The following CBLB variants were observed in gnomAD, a reference collection of about 807,000 sequenced individuals.
CBLB encodes the protein E3 ubiquitin-protein ligase CBL-B.
In CBLB, 31 loss-of-function variants were observed where a neutral mutation model predicts 104.9. That is an observed-to-expected ratio of 0.30 (90% CI 0.22 to 0.40). The LOEUF is 0.40. Ranked by LOEUF, CBLB falls within the 10% of genes least tolerant of loss-of-function variation. The pLI is 1.00. For missense variants in CBLB, 1,062 were observed against 1,214.6 expected (o/e 0.87, Z 1.87); for synonymous variants, 440 against 422.6 (o/e 1.04, Z -0.51).
At chr3:105,736,382 C>T (rs9859644) in intron 8 of CBLB, among the ~76,000 whole-genome samples, 150,163 of 152,246 alleles carry the variant, frequency 0.99, 74,092 homozygotes, top group East Asian at 1. Context: ...GTACATAATG[C>T]AACTTGACCA....
Position 105,657,052 on chromosome 3 carries a change from A to G in CBLB, c.*1918T>C, listed in dbSNP as rs2063396837. On this transcript the variant is annotated 3_prime_UTR_variant, in exon 19 of 19. Coordinates refer to ENST00000394030, the MANE Select transcript of CBLB (RefSeq NM_170662.5). ...AAAATTCCCCTCCAGGGACATAACC[A>G]GCTCAGAACCATCTGAAAAAATTCA... is the stretch of plus-strand genomic sequence containing the variant. 1 of 226,830 alleles carries G rather than the reference A, an allele frequency of 4.4e-6. No homozygotes were observed. The highest frequency in any genetic ancestry group is 2.2e-5 in the African/African-American group (1 of 45,010). The allele number at this position is 226,830 out of a possible 1,614,324, so 14.1% of individuals were successfully genotyped here. A position where few individuals can be genotyped will look rare whatever the true frequency, so the allele number is the denominator to read the frequency against.
chr3:105,763,006 G>T (rs1006935058), intron 4 of CBLB, among the ~76,000 whole-genome samples: 1 of 152,214 alleles, frequency 6.6e-6, no homozygotes, highest in East Asian at 1.9e-4. Flanking sequence ...TGCCCTGGAC[G>T]TGAGACACGG....
At chr3:105,669,578 C>T (rs186179331) in intron 18 of CBLB, among the ~76,000 whole-genome samples, 13 of 152,174 alleles carry the variant, frequency 8.5e-5, no homozygotes, top group South Asian at 2.1e-4. Flanking sequence ...CTTTAGCAGA[C>T]GAGACAGATA....
rs2152787626 is a variant in CBLB, at chr3:105,704,006, G to A, written c.1575C>T (p.Ser525=). The A allele has an allele frequency of 1.2e-6, 2 of 1,614,030 alleles. No individual in the cohort carries two copies. Among genetic ancestry groups the A allele is most frequent in the Non-Finnish European group, 8.5e-7 (1 of 1,179,926 alleles). Residue 525 remains serine (S), a synonymous_variant, in exon 11 of 19, where the codon AGC becomes AGT. Coordinates refer to ENST00000394030, the MANE Select transcript of CBLB (RefSeq NM_170662.5). ...QKGIVRSPCG[S]PTGSPKSSPC... ...GATCTACCTTTGGTGAACCCGTTGG[G>A]CTGCCACAGGGAGATCTAACTATGC...
chr3:105,722,008 C>T (rs868243632), intron 9 of CBLB, among the ~76,000 whole-genome samples: 4 of 151,696 alleles, frequency 2.6e-5, no homozygotes, highest in African/African-American at 7.3e-5. Flanking sequence ...GCCTGGGCAA[C>T]ATAGCAAGAC....
intron 18 of CBLB, among the ~76,000 whole-genome samples, chr3:105,668,827 A>G (rs2064757454): frequency 6.6e-6 from 1 of 152,168 alleles, no homozygotes; most frequent in Admixed American, 6.6e-5. Context: ...ACAATTCTTA[A>G]AACAGCTCAT....
chr3:105,669,291 C>G (rs1292058173), intron 18 of CBLB, among the ~76,000 whole-genome samples: 3 of 152,174 alleles, frequency 2.0e-5, no homozygotes, highest in African/African-American at 7.2e-5. Context: ...GGGAAGCCCT[C>G]ATGAAAGGGA....
chr3:105,659,190 G>A lies in CBLB; in HGVS notation c.2729C>T (p.Pro910Leu), dbSNP rs115812092. 61 of 1,613,928 alleles carry A rather than the reference G, an allele frequency of 3.8e-5. No individual in the cohort carries two copies. The highest frequency in any genetic ancestry group is 2.9e-4 in the South Asian group (26 of 91,070). The stretch of plus-strand genomic sequence containing the variant: ...GTGAATTTCTGGTGCAGTCCTGCGC[G>A]GTCGTGGTTTAGGGGGTCTGGCTGG... ...QAPARPPKPRPRRTAPEIHHR... is the reference protein window; with the variant it reads ...QAPARPPKPRLRRTAPEIHHR... Residue 910 changes from proline (P) to leucine (L), a missense_variant, in exon 19 of 19, where the codon CCG becomes CTG. Physicochemically the swap from Pro to Leu is moderately conservative, Grantham distance 98. Coordinates refer to ENST00000394030, the MANE Select transcript of CBLB (RefSeq NM_170662.5).
At chr3:105,859,742 G>GTA (rs1184512775) in intron 2 of CBLB, among the ~76,000 whole-genome samples, 12 of 150,882 alleles carry the variant, frequency 8.0e-5, no homozygotes, top group South Asian at 4.2e-4. Flanking sequence ...GTGACCTAAA[G>GTA]TATATATATA....
intron 4 of CBLB, among the ~76,000 whole-genome samples, chr3:105,762,935 C>T (rs1351727480): frequency 6.6e-6 from 1 of 152,238 alleles, no homozygotes; most frequent in African/African-American, 2.4e-5. Flanking sequence ...GGAAACTGTA[C>T]CCTGCGAAGC....
chr3:105,748,525 G>T (rs942323256), intron 5 of CBLB, among the ~76,000 whole-genome samples: 1 of 152,116 alleles, frequency 6.6e-6, no homozygotes, highest in Non-Finnish European at 1.5e-5. Context: ...GAGGAAAAGG[G>T]GAACAACAGC....
At chr3:105,816,148 C>T (rs2085023010) in intron 3 of CBLB, among the ~76,000 whole-genome samples, 1 of 151,868 alleles carries the variant, frequency 6.6e-6, no homozygotes. Flanking sequence ...CACATGCATA[C>T]CTATGTAACA....
rs2092496567 is a variant in CBLB at position 105,867,571 on chromosome 3, T to C, written c.7A>G (p.Asn3Asp). 6.2e-7 allele frequency: 1 copy of C among 1,614,040 alleles called. No homozygotes were observed. The highest frequency in any genetic ancestry group is 1.3e-5 in the African/African-American group (1 of 74,914). Reference sequence around the variant, plus strand: ...CCAGGGTTTCTGCCATTCATTGAGTTTGCCATCTGGAATTTTAGTTCTTTA... The same window carrying C: ...CCAGGGTTTCTGCCATTCATTGAGTCTGCCATCTGGAATTTTAGTTCTTTA... MA[N>D]SMNGRNPGGR... The change falls in exon 2 of 19, where the codon AAC (asparagine) becomes GAC (aspartate). Residue 3 changes from asparagine (N) to aspartate (D), a missense_variant. By Grantham distance (23) the Asn-to-Asp change is conservative. This residue lies in a region of CBLB where 457 missense variants were observed against 632.0 expected (regional missense o/e 0.72). Coordinates refer to ENST00000394030, the MANE Select transcript of CBLB (RefSeq NM_170662.5).
intron 4 of CBLB, among the ~76,000 whole-genome samples, chr3:105,768,705 T>C (rs769370799): frequency 1.3e-5 from 2 of 152,176 alleles, no homozygotes; most frequent in Non-Finnish European, 2.9e-5. Context: ...AAGACCTACA[T>C]AGTAAACACA....
chr3:105,828,430 A>C (rs1450543871), intron 3 of CBLB, among the ~76,000 whole-genome samples: 1 of 152,234 alleles, frequency 6.6e-6, no homozygotes, highest in Non-Finnish European at 1.5e-5. Context: ...TTAAATATTA[A>C]ATGCTGTTTC....
chr3:105,784,278 G>A (rs1331827903), intron 3 of CBLB, among the ~76,000 whole-genome samples: 1 of 152,022 alleles, frequency 6.6e-6, no homozygotes, highest in African/African-American at 2.4e-5. Context: ...ATTCCTTTAC[G>A]ATAAAACACA....
At chr3:105,722,922 T>C (rs1429097782) in intron 9 of CBLB, among the ~76,000 whole-genome samples, 1 of 152,200 alleles carries the variant, frequency 6.6e-6, no homozygotes, top group African/African-American at 2.4e-5. Context: ...TTGTTAAGAG[T>C]GCCTGTTATA....
chr3:105,789,198 C>G lies in CBLB; in HGVS notation c.420-12656G>C, dbSNP rs866200242. Among the ~76,000 whole-genome samples, 52 of 152,252 alleles carry G rather than the reference C, an allele frequency of 3.4e-4. 1 individual carries two copies. Among genetic ancestry groups the G allele is most frequent in the Middle Eastern group, 3.4e-3 (1 of 294 alleles). ...TCAATAATGTTAATTGTTATTAGCACTATTAGAGCTACCAATCTACTACTA... is the reference window on the plus strand; with the variant it reads ...TCAATAATGTTAATTGTTATTAGCAGTATTAGAGCTACCAATCTACTACTA... On this transcript the variant is annotated intron_variant, in intron 3 of 18. Transcript: ENST00000394030.
At chr3:105,850,065 G>A (rs557791566) in intron 3 of CBLB, among the ~76,000 whole-genome samples, 27 of 152,102 alleles carry the variant, frequency 1.8e-4, no homozygotes, top group Middle Eastern at 6.8e-3. Context: ...ATTAATTAAT[G>A]CTAAAAGGCA....
Sources: gnomAD v4.1 joint callset for allele counts (sites outside exome capture counted in the v4.1 genomes callset) on GRCh38, gnomAD v4.1.1 for gene constraint, gnomAD v4.1.1 regional missense constraint, MANE v1.5 for transcripts, NCBI Gene and HGNC (gene_info 2026-07-23, HGNC 2026-07-21) for gene names.